The following PEG3 variants were observed in gnomAD, a reference collection of about 807,000 sequenced individuals.
PEG3 encodes the protein paternally expressed 3, also known as paternally-expressed gene 3 protein.
In PEG3, 23 loss-of-function variants were observed where a neutral mutation model predicts 35.5. That is an observed-to-expected ratio of 0.65 (90% CI 0.47 to 0.92). The LOEUF (loss-of-function observed/expected upper bound fraction) is 0.92. Ranked by LOEUF, PEG3 falls within the 40% of genes least tolerant of loss-of-function variation. PEG3 has a pLI of 0.00. For synonymous variants in PEG3, 707 were observed against 697.0 expected (o/e 1.01, Z -0.23); for missense variants, 1,960 against 1,985.3 (o/e 0.99, Z 0.24).
intron 9 of PEG3, 63 bp downstream of exon 9, chr19:56,817,683 G>C (rs1296434556): frequency 1.6e-5 from 24 of 1,548,144 alleles, no homozygotes; most frequent in East Asian, 2.2e-5. Context: ...GCAAAGTGTA[G>C]AAGTTCCTTG....
intron 8 of PEG3, 26 bp downstream of exon 8, chr19:56,818,564 CTGGACTGGGA>C: frequency 6.2e-7 from 1 of 1,610,184 alleles, no homozygotes; most frequent in South Asian, 1.1e-5. Context: ...GCTCCAATGA[CTGGACTGGGA>C]GTGACTGAGA....
intron 2 of PEG3, 132 bp downstream of exon 2, chr19:56,835,886 G>A (rs1322141947): frequency 2.6e-6 from 1 of 378,350 alleles, no homozygotes; most frequent in Non-Finnish European, 5.5e-6. Flanking sequence ...GAGTCTGGGT[G>A]TTCTCAGAGG....
At chr19:56,823,247 C>T (rs2060675100) in intron 5 of PEG3, among the ~76,000 whole-genome samples, 1 of 152,278 alleles carries the variant, frequency 6.6e-6, no homozygotes, top group South Asian at 2.1e-4. Context: ...ACACACACAC[C>T]CTCCCTGAAA....
At chr19:56,821,528 C>T (rs1464201250) in intron 7 of PEG3, 123 bp downstream of exon 7, 14 of 1,176,318 alleles carry the variant, frequency 1.2e-5, no homozygotes, top group South Asian at 1.4e-5. Flanking sequence ...CCTCCTGGAG[C>T]GCTGGGACTC....
intron 1 of PEG3, among the ~76,000 whole-genome samples, chr19:56,838,334 G>A (rs2062441107): frequency 6.6e-6 from 1 of 152,198 alleles, no homozygotes; most frequent in African/African-American, 2.4e-5. Flanking sequence ...ACTCAAGATG[G>A]CGCCTGCGCA....
rs747236628 is a variant in PEG3 at position 56,816,041 on chromosome 19, C to T, written c.2401G>A (p.Val801Ile). The change falls in exon 10 of 10, where the codon GTA (valine) becomes ATA (isoleucine). Residue 801 changes from valine (V) to isoleucine (I), a missense_variant. Coordinates refer to ENST00000326441, the MANE Select transcript of PEG3 (RefSeq NM_006210.3). ...HSVAGPSKPKVMAESTIQSFD... is the reference protein window; with the variant it reads ...HSVAGPSKPKIMAESTIQSFD... ...CTCTGAATGGTAGACTCTGCCATTA[C>T]TTTTGGTTTACTGGGCCCTGCTACA... The T allele has an allele frequency of 6.3e-7, 1 of 1,596,866 alleles. No individual in the cohort carries two copies. The highest frequency in any genetic ancestry group is 2.2e-5 in the East Asian group (1 of 44,744).
chr19:56,829,529 T>G (rs1487421407), intron 2 of PEG3, among the ~76,000 whole-genome samples: 1 of 152,200 alleles, frequency 6.6e-6, no homozygotes, highest in Non-Finnish European at 1.5e-5. Flanking sequence ...GTTACTGCTA[T>G]GTAACCACAG....
In PEG3 at chr19:56,814,348, G is replaced by A; in HGVS notation, c.4094C>T (p.Ala1365Val). ...LEEEEEDEAA[A>V]AAAAAAQEVE... Reference sequence around the variant, plus strand: ...TTCCTGGGCTGCTGCTGCTGCAGCTGCTGCTGCTTCATCTTCTTCTTCTTC... The same window carrying A: ...TTCCTGGGCTGCTGCTGCTGCAGCTACTGCTGCTTCATCTTCTTCTTCTTC... Residue 1365 changes from alanine (A) to valine (V), a missense_variant, in exon 10 of 10, where the codon GCA becomes GTA. Ala to Val is a moderately conservative substitution (Grantham distance 64). Around this residue, in one of 5 missense-constraint regions of PEG3, gnomAD observed 416 missense variants for 416.7 expected, o/e 1.00. Transcript: ENST00000326441. This position sits in a 1 kb window ranked among gnomAD's most constrained non-coding sequence, Gnocchi z 5.8. 7 of 1,613,828 alleles carry A rather than the reference G, an allele frequency of 4.3e-6. No homozygotes were observed. The highest frequency in any genetic ancestry group is 5.1e-6 in the Non-Finnish European group (6 of 1,179,746).
At chr19:56,825,674 T>A (rs1349620071) in intron 3 of PEG3, among the ~76,000 whole-genome samples, 1 of 152,156 alleles carries the variant, frequency 6.6e-6, no homozygotes, top group Non-Finnish European at 1.5e-5. Flanking sequence ...CTGGTGCAAC[T>A]AAGTAAGGCA....
Position 56,810,462 on chromosome 19 carries a change from A to T in PEG3, c.*3213T>A. The T allele has an allele frequency of 1.0e-6, 1 of 984,318 alleles. No homozygotes were observed. Among genetic ancestry groups the T allele is most frequent in the Non-Finnish European group, 1.2e-6 (1 of 828,930 alleles). The allele number at this position is 984,318 out of a possible 1,614,324, so 61.0% of individuals were successfully genotyped here. On this transcript the variant is annotated 3_prime_UTR_variant, in exon 10 of 10. Transcript: ENST00000326441. ...CATACTTATCACTAACACCCTAATAATCACAGACTAGTGCACAGATCAAGA... is the reference window on the plus strand; with the variant it reads ...CATACTTATCACTAACACCCTAATATTCACAGACTAGTGCACAGATCAAGA...
chr19:56,833,388 CTCT>C (rs1273422621), intron 2 of PEG3: 1 of 348,376 alleles, frequency 2.9e-6, no homozygotes, highest in Admixed American at 4.0e-5. Flanking sequence ...GGTCTCGTCT[CTCT>C]TCTTGTTTGC....
At chr19:56,837,926 C>T (rs1207271357) in intron 1 of PEG3, among the ~76,000 whole-genome samples, 1 of 152,242 alleles carries the variant, frequency 6.6e-6, no homozygotes, top group Admixed American at 6.5e-5. Flanking sequence ...CGCACTGCAC[C>T]CGCCACATTG....
chr19:56,837,362 T>C (rs2062269096), intron 1 of PEG3, among the ~76,000 whole-genome samples: 1 of 152,094 alleles, frequency 6.6e-6, no homozygotes, highest in Non-Finnish European at 1.5e-5. Context: ...CGATTTTGAG[T>C]GAAAATCCTT....
At chr19:56,825,631 T>C (rs932669211) in intron 3 of PEG3, among the ~76,000 whole-genome samples, 1 of 152,206 alleles carries the variant, frequency 6.6e-6, no homozygotes, top group Admixed American at 6.5e-5. Flanking sequence ...TTATTTGCAT[T>C]TTATTGCGTA....
intron 1 of PEG3, among the ~76,000 whole-genome samples, chr19:56,839,228 G>C (rs1032423268): frequency 3.3e-5 from 5 of 149,668 alleles, no homozygotes; most frequent in Middle Eastern, 3.9e-3. Flanking sequence ...AACCAACCAG[G>C]ACAGCACCTG....
chr19:56,828,310 A>C (rs558493191), intron 2 of PEG3, among the ~76,000 whole-genome samples: 1 of 152,348 alleles, frequency 6.6e-6, no homozygotes, highest in African/African-American at 2.4e-5. Context: ...ATAAATACTT[A>C]TGATATTGCA....
chr19:56,835,246 A>G (rs2061972744), intron 2 of PEG3, among the ~76,000 whole-genome samples: 1 of 152,150 alleles, frequency 6.6e-6, no homozygotes, highest in Non-Finnish European at 1.5e-5. Context: ...TGATACTCCC[A>G]TGGTTAAAAG....
intron 2 of PEG3, among the ~76,000 whole-genome samples, chr19:56,829,629 A>G (rs1340411859): frequency 6.6e-6 from 1 of 152,222 alleles, no homozygotes; most frequent in Non-Finnish European, 1.5e-5. Context: ...TACCTGACAC[A>G]AGGTGGGCCA....
chr19:56,829,122 G>A (rs145927393), intron 2 of PEG3, among the ~76,000 whole-genome samples: 1,549 of 152,170 alleles, frequency 0.01, 14 homozygotes, highest in Middle Eastern at 0.024. Context: ...AGGCCGAGGC[G>A]GGTAGATTAC....
Sources: gnomAD v4.1 joint callset for allele counts (sites outside exome capture counted in the v4.1 genomes callset) on GRCh38, gnomAD v4.1.1 for gene constraint, gnomAD v4.1.1 regional missense constraint, Gnocchi (gnomAD v3.1) non-coding constraint, MANE v1.5 for transcripts, NCBI Gene and HGNC (gene_info 2026-07-23, HGNC 2026-07-21) for gene names.